CTNNA3: variants seen among roughly 807,000 people sequenced by gnomAD.
The protein encoded by CTNNA3 is catenin alpha 3, also known as catenin alpha-3.
CTNNA3 carries 76 observed loss-of-function variants against 95.7 expected under a neutral mutation model. The observed-to-expected ratio is 0.79, with a 90% confidence interval of 0.66 to 0.96. CTNNA3 has a LOEUF of 0.96. Among genes scored for constraint, CTNNA3 ranks in the 40% least tolerant of loss-of-function variants. The pLI, the probability that CTNNA3 is intolerant of heterozygous loss-of-function variation, is 0.00. For synonymous variants in CTNNA3, 431 were observed against 374.4 expected (o/e 1.15, Z -1.74); for missense variants, 1,191 against 1,089.8 (o/e 1.09, Z -1.31).
At chr10:66,097,739 AAC>A (rs2081453809) in intron 14 of CTNNA3, among the ~76,000 whole-genome samples, 1 of 152,162 alleles carries the variant, frequency 6.6e-6, no homozygotes, top group Admixed American at 6.6e-5. Flanking sequence ...AAGTTTGAGG[AAC>A]GTTCAGCTGC....
At chr10:67,452,113 A>G (rs1472870181) in intron 5 of CTNNA3, among the ~76,000 whole-genome samples, 3 of 148,652 alleles carry the variant, frequency 2.0e-5, no homozygotes, top group Non-Finnish European at 4.5e-5. Flanking sequence ...GAGTAGGGAG[A>G]AAAAAAGGGA....
chr10:67,340,421 G>A (rs1842143006), intron 5 of CTNNA3, among the ~76,000 whole-genome samples: 1 of 152,214 alleles, frequency 6.6e-6, no homozygotes, highest in Admixed American at 6.5e-5. Context: ...TGGTTTGAAT[G>A]CAAAAAACTG....
intron 5 of CTNNA3, among the ~76,000 whole-genome samples, chr10:67,235,165 T>G (rs1799845421): frequency 6.6e-6 from 1 of 152,068 alleles, no homozygotes; most frequent in African/African-American, 2.4e-5. Context: ...AAAAACTATT[T>G]TAAAGTTCAA....
chr10:66,287,408 C>T (rs1046517784), intron 12 of CTNNA3, among the ~76,000 whole-genome samples: 2 of 152,072 alleles, frequency 1.3e-5, no homozygotes, highest in African/African-American at 4.8e-5. Context: ...TAAACTCTGT[C>T]AGGTCACTTT....
intron 13 of CTNNA3, among the ~76,000 whole-genome samples, chr10:66,185,699 G>A (rs79331998): frequency 0.038 from 5,697 of 151,898 alleles, 371 homozygotes; most frequent in African/African-American, 0.13. Context: ...GATCAAAATT[G>A]AGTGTCTCAA....
upstream of CTNNA3, among the ~76,000 whole-genome samples, chr10:67,700,575 A>G (rs1841028784): frequency 6.6e-6 from 1 of 152,250 alleles, no homozygotes; most frequent in Non-Finnish European, 1.5e-5. Flanking sequence ...CCTGAATGTT[A>G]GAAGGAAAAC....
At chr10:66,978,552 A>AAATAT in intron 7 of CTNNA3, among the ~76,000 whole-genome samples, 8 of 37,880 alleles carry the variant, frequency 2.1e-4, no homozygotes, top group South Asian at 1.2e-3. Context: ...AAAAAAAAAA[A>AAATAT]ATATATATAT....
At chr10:67,576,936 CT>C (rs1255987503) in intron 3 of CTNNA3, among the ~76,000 whole-genome samples, 1 of 130,966 alleles carries the variant, frequency 7.6e-6, no homozygotes, top group East Asian at 2.7e-4. Flanking sequence ...GCCACATTTT[CT>C]TAATCCAGTC....
rs973913557 is a variant in CTNNA3 at position 66,493,084 on chromosome 10, A to C, written c.1531+27533T>G. ...TCATATCTAGGGAAATGTAGTGAGA[A>C]TATTACTAATTGCTAGATCAAATTT... On this transcript the variant is annotated intron_variant, in intron 11 of 17. Transcript: ENST00000433211. 3.3e-5 allele frequency among the ~76,000 whole-genome samples: 5 copies of C among 152,208 alleles called. 1 individual carries two copies. The highest frequency in any genetic ancestry group is 1.2e-4 in the African/African-American group (5 of 41,452).
chr10:67,167,571 C>T (rs1194517672), intron 7 of CTNNA3, among the ~76,000 whole-genome samples: 1 of 152,164 alleles, frequency 6.6e-6, no homozygotes, highest in African/African-American at 2.4e-5. Context: ...TAAACTCTAT[C>T]TTTTTGATGG....
chr10:67,160,942 A>G (rs1051899518), intron 7 of CTNNA3, among the ~76,000 whole-genome samples: 3 of 152,172 alleles, frequency 2.0e-5, no homozygotes, highest in South Asian at 2.1e-4. Context: ...AAGAACAAAT[A>G]CTGCATCATA....
chr10:67,349,057 A>C (rs1842538611), intron 5 of CTNNA3, among the ~76,000 whole-genome samples: 1 of 152,330 alleles, frequency 6.6e-6, no homozygotes, highest in African/African-American at 2.4e-5. Flanking sequence ...ATGAAAGATA[A>C]GTGTTGTCAA....
At chr10:67,188,242 T>C (rs2132165304) in intron 6 of CTNNA3, among the ~76,000 whole-genome samples, 1 of 152,336 alleles carries the variant, frequency 6.6e-6, no homozygotes, top group Middle Eastern at 3.4e-3. Flanking sequence ...ACGCCTGTAA[T>C]CCCAGCACTT....
chr10:66,024,902 GAAGA>G (rs1184267022), intron 15 of CTNNA3, among the ~76,000 whole-genome samples: 1 of 152,204 alleles, frequency 6.6e-6, no homozygotes, highest in African/African-American at 2.4e-5. Flanking sequence ...ATCACAGCTG[GAAGA>G]AAGGGGCTGC....
intron 5 of CTNNA3, among the ~76,000 whole-genome samples, chr10:67,467,575 A>T (rs1243209602): frequency 6.6e-6 from 1 of 152,160 alleles, no homozygotes; most frequent in East Asian, 1.9e-4. Flanking sequence ...ACATATTTTC[A>T]TTCTAAATAC....
intron 7 of CTNNA3, among the ~76,000 whole-genome samples, chr10:66,909,522 T>C (rs1318506901): frequency 6.6e-6 from 1 of 151,282 alleles, no homozygotes; most frequent in African/African-American, 2.4e-5. Flanking sequence ...AATAAATAAA[T>C]AAATAAATAA....
intron 9 of CTNNA3, among the ~76,000 whole-genome samples, chr10:66,666,856 A>C (rs1006437761): frequency 6.6e-6 from 1 of 152,144 alleles, no homozygotes; most frequent in Admixed American, 6.5e-5. Flanking sequence ...CATAAAGTAC[A>C]TTAACAGATA....
intron 14 of CTNNA3, among the ~76,000 whole-genome samples, chr10:66,077,749 C>G (rs1364685370): frequency 1.3e-5 from 2 of 151,716 alleles, no homozygotes; most frequent in South Asian, 4.1e-4. Context: ...AGAAAGCTGA[C>G]GTGAATATCC....
intron 10 of CTNNA3, among the ~76,000 whole-genome samples, chr10:66,528,353 C>G (rs1246690910): frequency 6.6e-6 from 1 of 152,124 alleles, no homozygotes; most frequent in African/African-American, 2.4e-5. Context: ...AGATAGACAA[C>G]TTTTACTACA....
Sources: gnomAD v4.1 joint callset for allele counts (sites outside exome capture counted in the v4.1 genomes callset) on GRCh38, gnomAD v4.1.1 for gene constraint, MANE v1.5 for transcripts, NCBI Gene and HGNC (gene_info 2026-07-23, HGNC 2026-07-21) for gene names.